Variants in UBE2E2 observed in about 807,000 individuals in gnomAD.
UBE2E2 encodes the protein ubiquitin-conjugating enzyme E2 E2.
UBE2E2 carries 6 observed loss-of-function variants against 24.7 expected under a neutral mutation model. The ratio of observed to expected loss-of-function variants is 0.24; its 90% CI spans 0.13 to 0.48. UBE2E2 has a LOEUF of 0.48. Among genes scored for constraint, UBE2E2 ranks in the 20% least tolerant of loss-of-function variants. The pLI, the probability that UBE2E2 is intolerant of heterozygous loss-of-function variation, is 0.99. For synonymous variants in UBE2E2, 104 were observed against 83.6 expected, an observed-to-expected ratio of 1.24 and a Z score of -1.33; for missense variants, 169 against 245.0, an observed-to-expected ratio of 0.69 and a Z score of 2.07.
At chr3:23,504,610 T>C (rs1192261829) in intron 4 of UBE2E2, among the ~76,000 whole-genome samples, 5 of 152,188 alleles carry the variant, frequency 3.3e-5, no homozygotes, top group Admixed American at 3.3e-4. Context: ...GGATTTTAAG[T>C]CTTTTTTACT....
chr3:23,357,994 C>T (rs912623346), intron 3 of UBE2E2, among the ~76,000 whole-genome samples: 7 of 152,224 alleles, frequency 4.6e-5, no homozygotes, highest in Admixed American at 3.9e-4. Context: ...CACCACCATG[C>T]CTGGCTAATT....
At chr3:23,389,852 G>C (rs189803617) in intron 3 of UBE2E2, 1 of 161,950 alleles carries the variant, frequency 6.2e-6, no homozygotes, top group East Asian at 1.6e-4. Flanking sequence ...TGACCACCCA[G>C]TGCCTCAGTT....
At chr3:23,240,610 A>G (rs1042039688) in intron 3 of UBE2E2, among the ~76,000 whole-genome samples, 3 of 152,264 alleles carry the variant, frequency 2.0e-5, no homozygotes, top group African/African-American at 7.2e-5. Context: ...CTGTGTCTGC[A>G]GTGAAAGCTG....
intron 3 of UBE2E2, among the ~76,000 whole-genome samples, chr3:23,303,920 A>G (rs1463122961): frequency 6.6e-6 from 1 of 152,164 alleles, no homozygotes; most frequent in East Asian, 1.9e-4. Context: ...AACCAATGTA[A>G]TTATATTCTT....
chr3:23,356,680 T>C (rs1206330115), intron 3 of UBE2E2, among the ~76,000 whole-genome samples: 1 of 152,248 alleles, frequency 6.6e-6, no homozygotes, highest in East Asian at 1.9e-4. Context: ...TATTCTCTTT[T>C]AGAAAATCTT....
Position 23,342,187 on chromosome 3 carries a change from GT to G in UBE2E2, c.227+124890del, listed in dbSNP as rs71620774. Reference sequence around the variant, plus strand: ...ATGGGGGGTACTTTGATTTAGTTTAGTTTTTTTTTTTTTTTGAGACAGGGTC... The same window carrying G: ...ATGGGGGGTACTTTGATTTAGTTTAGTTTTTTTTTTTTTTGAGACAGGGTC... On this transcript the variant is annotated intron_variant, in intron 3 of 5. Transcript: ENST00000396703. 5.2e-3 allele frequency among the ~76,000 whole-genome samples: 740 copies of G among 141,680 alleles called. 4 individuals are homozygous for G. Among genetic ancestry groups the G allele is most frequent in the African/African-American group, 0.015 (595 of 38,798 alleles). The allele number at this position is 141,680 out of a possible 152,430, so 92.9% of individuals were successfully genotyped here.
intron 5 of UBE2E2, among the ~76,000 whole-genome samples, chr3:23,574,067 G>T (rs1696286689): frequency 6.6e-6 from 1 of 152,170 alleles, no homozygotes; most frequent in South Asian, 2.1e-4. Flanking sequence ...CCTATGATTT[G>T]CAACAACATG....
intron 5 of UBE2E2, among the ~76,000 whole-genome samples, chr3:23,571,280 C>CTTTTTT (rs59243406): frequency 0.011 from 335 of 29,858 alleles, 116 homozygotes; most frequent in South Asian, 0.039. Context: ...GTGCTCCTTT[C>CTTTTTT]TTTTTTTTTT....
intron 3 of UBE2E2, among the ~76,000 whole-genome samples, chr3:23,357,871 C>T (rs780043569): frequency 1.4e-4 from 21 of 152,218 alleles, no homozygotes; most frequent in African/African-American, 3.1e-4. Context: ...CAAGGTCTCA[C>T]GCTATCACCC....
chr3:23,587,497 T>C (rs191899997), intron 5 of UBE2E2, among the ~76,000 whole-genome samples: 1 of 152,348 alleles, frequency 6.6e-6, no homozygotes, highest in African/African-American at 2.4e-5. Flanking sequence ...TTCACTAATA[T>C]AAGTTCTATT....
chr3:23,369,840 G>A (rs1008352814), intron 3 of UBE2E2, among the ~76,000 whole-genome samples: 2 of 152,184 alleles, frequency 1.3e-5, no homozygotes, highest in Admixed American at 6.5e-5. Context: ...TTCTGGTCTA[G>A]TGTGTTTGCA....
chr3:23,210,142 A>C (rs1696280617), intron 2 of UBE2E2, among the ~76,000 whole-genome samples: 1 of 152,116 alleles, frequency 6.6e-6, no homozygotes, highest in Non-Finnish European at 1.5e-5. Flanking sequence ...GGAATAGAGA[A>C]AATATGACAT....
rs973648688 is a variant in UBE2E2, at chr3:23,252,990, A to T, written c.227+35678A>T. Among the ~76,000 whole-genome samples, 9 of 152,220 alleles carry T rather than the reference A, an allele frequency of 5.9e-5. No individual in the cohort carries two copies. In the East Asian group the frequency reaches 1.7e-3, roughly 29 times the overall value. On this transcript the variant is annotated intron_variant, in intron 3 of 5. Coordinates refer to ENST00000396703, the MANE Select transcript of UBE2E2 (RefSeq NM_152653.4). ...TAAATTTTATCTTTTAATAAAGAAT[A>T]TGTAAGAAGCATTTATTGAATGCTT...
At chr3:23,551,844 A>T (rs1695651724) in intron 5 of UBE2E2, among the ~76,000 whole-genome samples, 1 of 152,202 alleles carries the variant, frequency 6.6e-6, no homozygotes, top group Non-Finnish European at 1.5e-5. Context: ...TCTCCCCAAA[A>T]TTAATATGTT....
At chr3:23,552,433 G>A (rs1301663003) in intron 5 of UBE2E2, among the ~76,000 whole-genome samples, 1 of 152,210 alleles carries the variant, frequency 6.6e-6, no homozygotes, top group Non-Finnish European at 1.5e-5. Context: ...AGGGTGTTGA[G>A]TAGATCTGGA....
At chr3:23,313,386 C>CTTTTTTTTTTTTTTT (rs34208918) in intron 3 of UBE2E2, among the ~76,000 whole-genome samples, 1 of 111,872 alleles carries the variant, frequency 8.9e-6, no homozygotes, top group African/African-American at 3.6e-5. Context: ...ATCATTGGGT[C>CTTTTTTTTTTTTTTT]TTTTTTTTTT....
At position 23,299,933 on chromosome 3, in the gene UBE2E2, G is replaced by A. The variant is rs62255345; in HGVS notation, c.227+82621G>A. Among the ~76,000 whole-genome samples the A allele has an allele frequency of 6.3e-3, 960 of 152,194 alleles. 4 individuals are homozygous for A. The highest frequency in any genetic ancestry group is 1.0e-2 in the Non-Finnish European group (679 of 68,020). On this transcript the variant is annotated intron_variant, in intron 3 of 5. Transcript: ENST00000396703. ...TGTGGGAGTCTAAGTCTCTTTGTAG[G>A]TCACTCAGGACTTGCTTTATGAATC... is the stretch of plus-strand genomic sequence containing the variant.
chr3:23,304,257 CA>C (rs1354613477), intron 3 of UBE2E2, among the ~76,000 whole-genome samples: 2 of 152,060 alleles, frequency 1.3e-5, no homozygotes, highest in African/African-American at 2.4e-5. Context: ...ATCGTGGAAT[CA>C]AAAACATAGA....
chr3:23,332,675 GTGTGTGTGTGTGTGTGT>G (rs778114847), intron 3 of UBE2E2, among the ~76,000 whole-genome samples: 3 of 106,464 alleles, frequency 2.8e-5, no homozygotes, highest in African/African-American at 1.1e-4. Flanking sequence ...AGCCAGTGGG[GTGTGTGTGTGTGTGTGT>G]GTGTGTGTGT....
Sources: gnomAD v4.1 joint callset for allele counts (sites outside exome capture counted in the v4.1 genomes callset) on GRCh38, gnomAD v4.1.1 for gene constraint, MANE v1.5 for transcripts, NCBI Gene and HGNC (gene_info 2026-07-23, HGNC 2026-07-21) for gene names.